AKAP19: variants seen among roughly 807,000 people sequenced by gnomAD.
AKAP19 encodes the protein small A-kinase anchoring protein.
the AKAP19 span, chr2:189,924,200 G>A: frequency 2.0e-6 from 3 of 1,495,826 alleles, no homozygotes; most frequent in Middle Eastern, 1.8e-4. Flanking sequence ...AGCGCCAATG[G>A]CGAGGATGAC....
chr2:190,048,742 G>T, the AKAP19 span, among the ~76,000 whole-genome samples: 2 of 152,054 alleles, frequency 1.3e-5, no homozygotes, highest in African/African-American at 4.8e-5. Flanking sequence ...TCTTTCTTTA[G>T]GTCAACAGAA....
At chr2:190,018,570 G>A in the AKAP19 span, among the ~76,000 whole-genome samples, 2 of 151,974 alleles carry the variant, frequency 1.3e-5, 1 homozygote. Context: ...CTATGTGTAT[G>A]TTTTTTGTTC....
the AKAP19 span, among the ~76,000 whole-genome samples, chr2:189,921,357 G>C: frequency 0.033 from 5,096 of 152,260 alleles, 289 homozygotes; most frequent in African/African-American, 0.12. Flanking sequence ...GCTGTGTACA[G>C]TGCTGCTGAG....
the AKAP19 span, among the ~76,000 whole-genome samples, chr2:190,016,498 G>A: frequency 6.6e-6 from 1 of 152,246 alleles, no homozygotes; most frequent in South Asian, 2.1e-4. Flanking sequence ...GGGGATTACG[G>A]GGATTACAAT....
At chr2:189,922,423 T>C in the AKAP19 span, among the ~76,000 whole-genome samples, 2 of 152,144 alleles carry the variant, frequency 1.3e-5, no homozygotes, top group Non-Finnish European at 2.9e-5. Context: ...CCAATATGAG[T>C]TGTCTAAACT....
the AKAP19 span, among the ~76,000 whole-genome samples, chr2:189,936,051 T>G: frequency 6.6e-6 from 1 of 152,168 alleles, no homozygotes; most frequent in Non-Finnish European, 1.5e-5. Flanking sequence ...CATTTAATAT[T>G]GTAAGATTAT....
chr2:190,199,676 A>C, the AKAP19 span: 1 of 1,401,602 alleles, frequency 7.1e-7, no homozygotes, highest in Non-Finnish European at 9.3e-7. Context: ...CTTCAAAATG[A>C]AACCTACCTT....
chr2:190,172,305 G>A, the AKAP19 span, among the ~76,000 whole-genome samples: 1 of 151,928 alleles, frequency 6.6e-6, no homozygotes, highest in African/African-American at 2.4e-5. Context: ...TTACTAGTTT[G>A]TTTACTTATA....
At chr2:190,081,579 A>G in the AKAP19 span, among the ~76,000 whole-genome samples, 1 of 152,144 alleles carries the variant, frequency 6.6e-6, no homozygotes, top group Non-Finnish European at 1.5e-5. Context: ...TGCATACATG[A>G]GCATGTTAGT....
the AKAP19 span, among the ~76,000 whole-genome samples, chr2:190,101,109 C>A: frequency 6.6e-6 from 1 of 152,222 alleles, no homozygotes; most frequent in Admixed American, 6.5e-5. Context: ...TTAATCTAGG[C>A]ACATGCAAAG....
chr2:190,091,619 G>T, the AKAP19 span, among the ~76,000 whole-genome samples: 1 of 151,400 alleles, frequency 6.6e-6, no homozygotes, highest in African/African-American at 2.4e-5. Flanking sequence ...CTACTTTATT[G>T]ATTACAAAGC....
the AKAP19 span, among the ~76,000 whole-genome samples, chr2:190,073,516 A>T: frequency 3.3e-5 from 5 of 152,012 alleles, no homozygotes; most frequent in Non-Finnish European, 5.9e-5. Context: ...TCAAAATATT[A>T]ATACTCTAAA....
At chr2:190,006,578 G>T in the AKAP19 span, among the ~76,000 whole-genome samples, 10 of 149,852 alleles carry the variant, frequency 6.7e-5, no homozygotes, top group Middle Eastern at 3.6e-3. Flanking sequence ...GGCAGAGCTT[G>T]CAGTGAGCCG....
At chr2:189,998,771 C>CTTTCTTTTTTTTTTTTTTT in the AKAP19 span, among the ~76,000 whole-genome samples, 2 of 97,546 alleles carry the variant, frequency 2.1e-5, no homozygotes, top group African/African-American at 8.5e-5. Flanking sequence ...TTCTTTCTTT[C>CTTTCTTTTTTTTTTTTTTT]TTTTTTTTTT....
the AKAP19 span, among the ~76,000 whole-genome samples, chr2:189,991,156 T>C: frequency 2.0e-5 from 3 of 152,228 alleles, no homozygotes; most frequent in African/African-American, 7.2e-5. Flanking sequence ...GTTATAAACA[T>C]GTGTATGCAA....
At chr2:189,918,670 G>T in the AKAP19 span, among the ~76,000 whole-genome samples, 4 of 152,052 alleles carry the variant, frequency 2.6e-5, no homozygotes, top group Non-Finnish European at 5.9e-5. Context: ...ATATCCCAAA[G>T]AATTGAAAAT....
chr2:189,992,537 T>TA, the AKAP19 span, among the ~76,000 whole-genome samples: 141,154 of 152,134 alleles, frequency 0.93, 65,532 homozygotes, highest in East Asian at 0.96. Context: ...ATTTTAGGAT[T>TA]TTTTTTGTAG....
the AKAP19 span, among the ~76,000 whole-genome samples, chr2:190,100,862 T>C: frequency 6.6e-6 from 1 of 152,150 alleles, no homozygotes; most frequent in African/African-American, 2.4e-5. Flanking sequence ...GGCCCCATGA[T>C]GGTGTCCAGC....
At chr2:190,069,170 G>GTGTC in the AKAP19 span, among the ~76,000 whole-genome samples, 273 of 146,452 alleles carry the variant, frequency 1.9e-3, no homozygotes, top group African/African-American at 6.4e-3. Context: ...GTGTGTGTGT[G>GTGTC]TGTGTGAGAG....
Sources: gnomAD v4.1 joint callset for allele counts (sites outside exome capture counted in the v4.1 genomes callset) on GRCh38, gnomAD v4.1.1 for gene constraint, MANE v1.5 for transcripts, NCBI Gene and HGNC (gene_info 2026-07-23, HGNC 2026-07-21) for gene names.